Variants in KIF26B observed in about 807,000 individuals in gnomAD.
KIF26B encodes kinesin family member 26B.
A neutral mutation model predicts 151.2 loss-of-function variants in KIF26B; 63 were observed. That is an observed-to-expected ratio of 0.42 (90% CI 0.34 to 0.51). The LOEUF (loss-of-function observed/expected upper bound fraction) is 0.51, where lower values mean the gene tolerates loss of function less well. Among genes scored for constraint, KIF26B ranks in the 20% least tolerant of loss-of-function variants. The pLI is 0.07. For synonymous variants in KIF26B, 1,357 were observed against 1,262.1 expected (o/e 1.08, Z -1.59); for missense variants, 2,813 against 2,913.6 (o/e 0.97, Z 0.79).
rs546267336 is a variant in KIF26B, at chr1:245,623,475, C to A, written c.2098+11499C>A. ...ACTGCCCAGATATACCACAGTTGGC[C>A]GATCCATTCATCTCTTGATGGACAT... is the stretch of plus-strand genomic sequence containing the variant. On this transcript the variant is annotated intron_variant, in intron 9 of 14. Coordinates refer to ENST00000407071, the MANE Select transcript of KIF26B (RefSeq NM_018012.4). Among the ~76,000 whole-genome samples the A allele has an allele frequency of 2.0e-5, 3 of 152,224 alleles. No individual in the cohort carries two copies. In the South Asian group the frequency reaches 6.2e-4, roughly 32 times the overall value.
intron 10 of KIF26B, among the ~76,000 whole-genome samples, chr1:245,671,593 CTG>C (rs1387804877): frequency 3.9e-5 from 6 of 152,214 alleles, no homozygotes; most frequent in African/African-American, 7.2e-5. Flanking sequence ...TGCCACTAAA[CTG>C]TGCGCTTAGT....
chr1:245,521,316 G>A (rs1661101893), intron 4 of KIF26B, among the ~76,000 whole-genome samples: 1 of 150,042 alleles, frequency 6.7e-6, no homozygotes, highest in Non-Finnish European at 1.5e-5. Flanking sequence ...CATCCAGCCT[G>A]AGTGACAGAG....
intron 4 of KIF26B, among the ~76,000 whole-genome samples, chr1:245,539,413 A>G (rs1372247745): frequency 6.6e-6 from 1 of 152,220 alleles, no homozygotes; most frequent in African/African-American, 2.4e-5. Flanking sequence ...TGCAACTGGT[A>G]AGAACATTGG....
At chr1:245,212,326 G>A (rs902259994) in intron 2 of KIF26B, among the ~76,000 whole-genome samples, 2 of 152,126 alleles carry the variant, frequency 1.3e-5, no homozygotes, top group Non-Finnish European at 2.9e-5. Flanking sequence ...GTGGGTCTGC[G>A]ATTTGGAATT....
intron 2 of KIF26B, among the ~76,000 whole-genome samples, chr1:245,331,376 G>A (rs1471114620): frequency 6.6e-6 from 1 of 152,142 alleles, no homozygotes; most frequent in Admixed American, 6.5e-5. Context: ...TAAACCAGAG[G>A]ACCAAACAAC....
At chr1:245,491,137 T>C (rs1349841602) in intron 4 of KIF26B, among the ~76,000 whole-genome samples, 1 of 151,582 alleles carries the variant, frequency 6.6e-6, no homozygotes, top group East Asian at 1.9e-4. Context: ...TTTTGTTTAT[T>C]CTTTTTTTTT....
rs1668440359 is a variant in KIF26B, at chr1:245,156,633, C to T, written c.415C>T (p.Leu139Phe). 1 of 1,523,558 alleles carries T rather than the reference C, an allele frequency of 6.6e-7. No individual in the cohort carries two copies. Among genetic ancestry groups the T allele is most frequent in the East Asian group, 2.5e-5 (1 of 39,420 alleles). 94.4% of individuals were successfully genotyped at this position (1,523,558 alleles called of 1,614,324 possible). A position where few individuals can be genotyped will look rare whatever the true frequency, so the allele number is the denominator to read the frequency against. The part of the protein sequence containing the change: ...CENCNARLVE[L>F]KRQALRLLLP... The stretch of plus-strand genomic sequence containing the variant: ...GAACTGCAACGCCCGCCTGGTGGAG[C>T]TCAAGAGGCAGGCCCTGAGGTTGCT... Residue 139 changes from leucine (L) to phenylalanine (F), a missense_variant, in exon 2 of 15, where the codon CTC becomes TTC. Leu to Phe is a conservative substitution (Grantham distance 22, BLOSUM62 0). Around this residue, in one of 3 missense-constraint regions of KIF26B, gnomAD observed 676 missense variants for 688.1 expected, o/e 0.98. Transcript: ENST00000407071.
chr1:245,568,187 A>C lies in KIF26B; in HGVS notation c.1350+27237A>C, dbSNP rs1019664834. Reference sequence around the variant, plus strand: ...GCAACAGAGTGAAACTCCATCTCAAAAAAAAAAAAAAAAAAAAAAAAAAAA... The same window carrying C: ...GCAACAGAGTGAAACTCCATCTCAACAAAAAAAAAAAAAAAAAAAAAAAAA... On this transcript the variant is annotated intron_variant, in intron 5 of 14. Coordinates refer to ENST00000407071, the MANE Select transcript of KIF26B (RefSeq NM_018012.4). Among the ~76,000 whole-genome samples the C allele has an allele frequency of 1.1e-4, 14 of 132,086 alleles. No individual in the cohort carries two copies. In the East Asian group the frequency reaches 2.8e-3, roughly 27 times the overall value. 86.7% of individuals were successfully genotyped at this position (132,086 alleles called of 152,430 possible).
At chr1:245,294,977 G>T (rs950244374) in intron 2 of KIF26B, among the ~76,000 whole-genome samples, 3 of 152,090 alleles carry the variant, frequency 2.0e-5, no homozygotes, top group African/African-American at 7.2e-5. Context: ...TCTTGAGGGA[G>T]CCAGGCTGAG....
intron 5 of KIF26B, among the ~76,000 whole-genome samples, chr1:245,557,545 G>A (rs1232032922): frequency 6.6e-6 from 1 of 152,212 alleles, no homozygotes; most frequent in Non-Finnish European, 1.5e-5. Flanking sequence ...GGGGTATGAG[G>A]CCCGGTTTGG....
At chr1:245,428,843 G>A (rs1658708141) in intron 4 of KIF26B, among the ~76,000 whole-genome samples, 1 of 152,122 alleles carries the variant, frequency 6.6e-6, no homozygotes, top group African/African-American at 2.4e-5. Context: ...TTCATGTCTT[G>A]ATGTGAATGT....
chr1:245,613,810 G>C (rs2043554435), intron 9 of KIF26B, among the ~76,000 whole-genome samples: 2 of 152,146 alleles, frequency 1.3e-5, no homozygotes, highest in Admixed American at 6.5e-5. Flanking sequence ...TTAAAATCCA[G>C]GTTTATTGCA....
intron 4 of KIF26B, among the ~76,000 whole-genome samples, chr1:245,491,628 TG>T (rs5782350): frequency 0.033 from 5,040 of 152,152 alleles, 132 homozygotes; most frequent in Non-Finnish European, 0.05. Flanking sequence ...GTAAACTGGC[TG>T]GGGTGCAGTG....
At chr1:245,168,774 T>C (rs551397775) in intron 2 of KIF26B, among the ~76,000 whole-genome samples, 2 of 152,340 alleles carry the variant, frequency 1.3e-5, no homozygotes, top group Admixed American at 1.3e-4. Flanking sequence ...ACATATCACA[T>C]GCCCCTGACG....
chr1:245,362,259 T>G (rs1672838319), intron 2 of KIF26B, among the ~76,000 whole-genome samples: 1 of 147,782 alleles, frequency 6.8e-6, no homozygotes, highest in African/African-American at 2.5e-5. Context: ...CCGGGTGCGG[T>G]GGCTCATGCC....
intron 9 of KIF26B, among the ~76,000 whole-genome samples, chr1:245,619,984 G>C (rs2103162090): frequency 6.6e-6 from 1 of 151,968 alleles, no homozygotes; most frequent in East Asian, 1.9e-4. Flanking sequence ...TTCGGGAAGA[G>C]TAAGACCACC....
At chr1:245,642,370 A>G (rs968223337) in intron 9 of KIF26B, among the ~76,000 whole-genome samples, 3 of 152,052 alleles carry the variant, frequency 2.0e-5, no homozygotes, top group African/African-American at 7.2e-5. Flanking sequence ...TGCCCATAAC[A>G]GGAGGAGCTA....
chr1:245,558,433 C>A (rs1157362432), intron 5 of KIF26B, among the ~76,000 whole-genome samples: 1 of 152,248 alleles, frequency 6.6e-6, no homozygotes, highest in Non-Finnish European at 1.5e-5. Flanking sequence ...CCATCTTCCT[C>A]CTTTGCTCTG....
chr1:245,347,915 G>A (rs1391329029), intron 2 of KIF26B, among the ~76,000 whole-genome samples: 1 of 152,202 alleles, frequency 6.6e-6, no homozygotes, highest in Admixed American at 6.5e-5. Flanking sequence ...GTATTCACTT[G>A]CTTAAGCCCT....
Sources: allele counts gnomAD v4.1 joint callset (sites outside exome capture counted in the v4.1 genomes callset), GRCh38; gene constraint gnomAD v4.1.1; regional missense constraint gnomAD v4.1.1; transcripts MANE v1.5; gene names NCBI Gene and HGNC (gene_info 2026-07-23, HGNC 2026-07-21).